The following ZNF839 variants were observed in gnomAD, a reference collection of about 807,000 sequenced individuals.
The protein encoded by ZNF839 is zinc finger protein 839.
A neutral mutation model predicts 56.4 loss-of-function variants in ZNF839; 38 were observed. The observed-to-expected ratio is 0.67, with a 90% CI of 0.52 to 0.88. The LOEUF is 0.88. ZNF839 is among the 40% of genes least tolerant of loss of function. The probability of loss-of-function intolerance (pLI) is 0.00; values close to 1 mark genes in which losing one functional copy is unlikely to be tolerated. For missense variants in ZNF839, 1,091 were observed against 1,177.6 expected, an observed-to-expected ratio of 0.93 and a Z score of 1.08; for synonymous variants, 486 against 493.5, an observed-to-expected ratio of 0.98 and a Z score of 0.20.
At position 102,334,596 on chromosome 14, in the gene ZNF839, C is replaced by G; in HGVS notation, c.1459C>G (p.Leu487Val). 2.5e-6 allele frequency: 4 copies of G among 1,612,704 alleles called. No homozygotes were observed. Among genetic ancestry groups the G allele is most frequent in the Non-Finnish European group, 2.5e-6 (3 of 1,179,420 alleles). Reference sequence around the variant, plus strand: ...CCGGGAGGATCTGGTGGAATTGGCTCTGCCTCAGCTGGCTCAGGTTGTGAC... The same window carrying G: ...CCGGGAGGATCTGGTGGAATTGGCTGTGCCTCAGCTGGCTCAGGTTGTGAC... Reference protein sequence around the residue: ...CDREDLVELALPQLAQVVTVY... With the variant: ...CDREDLVELAVPQLAQVVTVY... Residue 487 changes from leucine (L) to valine (V), a missense_variant, in exon 4 of 8, where the codon CTG becomes GTG. Leu to Val is a conservative substitution (Grantham distance 32, BLOSUM62 1). Around this residue, in one of 3 missense-constraint regions of ZNF839, gnomAD observed 614 missense variants for 629.2 expected, o/e 0.98. Coordinates refer to ENST00000442396, the MANE Select transcript of ZNF839 (RefSeq NM_018335.6).
In ZNF839 at chr14:102,341,394, G is replaced by A. The variant is rs1401962393; in HGVS notation, c.1999G>A (p.Gly667Ser). 6.4e-7 allele frequency: 1 copy of A among 1,558,334 alleles called. No homozygotes were observed. Among genetic ancestry groups the A allele is most frequent in the African/African-American group, 1.4e-5 (1 of 72,680 alleles). Residue 667 changes from glycine to serine, a missense_variant, in exon 8 of 8, where the codon GGC becomes AGC. Around this residue, in one of 3 missense-constraint regions of ZNF839, gnomAD observed 431 missense variants for 468.0 expected, o/e 0.92. Coordinates refer to ENST00000442396, the MANE Select transcript of ZNF839 (RefSeq NM_018335.6). The part of the protein sequence containing the change: ...EESHTTTVSG[G>S]NGSVFQAGPQ... Reference sequence around the variant, plus strand: ...AAGCCATACAACGACGGTTTCTGGTGGCAATGGGAGCGTGTTCCAGGCGGG... The same window carrying A: ...AAGCCATACAACGACGGTTTCTGGTAGCAATGGGAGCGTGTTCCAGGCGGG...
chr14:102,328,973 C>CT (rs201814671), intron 2 of ZNF839, among the ~76,000 whole-genome samples: 14,364 of 142,158 alleles, frequency 0.1, 1,003 homozygotes, highest in East Asian at 0.29. Flanking sequence ...CTGCTTTCTT[C>CT]TTTTTTTTTT....
At chr14:102,321,688 G>T (rs1163317471) in intron 1 of ZNF839, among the ~76,000 whole-genome samples, 1 of 152,126 alleles carries the variant, frequency 6.6e-6, no homozygotes, top group African/African-American at 2.4e-5. Flanking sequence ...TTCTAGTCAA[G>T]GCCAGAAAGC....
At chr14:102,320,848 G>T (rs1204380723) in intron 1 of ZNF839, among the ~76,000 whole-genome samples, 2 of 152,174 alleles carry the variant, frequency 1.3e-5, no homozygotes, top group African/African-American at 4.8e-5. Flanking sequence ...GAAGCATAGC[G>T]CCTGAAGCCA....
At chr14:102,336,749 T>G in intron 5 of ZNF839, 1 of 339,750 alleles carries the variant, frequency 2.9e-6, no homozygotes, top group Non-Finnish European at 5.7e-6. Flanking sequence ...TTTTTTTTGT[T>G]TTGAAACAGG....
At chr14:102,330,547 T>G (rs1865112177) in intron 2 of ZNF839, among the ~76,000 whole-genome samples, 1 of 151,160 alleles carries the variant, frequency 6.6e-6, no homozygotes, top group South Asian at 2.1e-4. Flanking sequence ...TTTTTTTTTT[T>G]TTTTGGCGAT....
Position 102,319,778 on chromosome 14 carries a change from G to A in ZNF839, c.13G>A (p.Glu5Lys), listed in dbSNP as rs1470317506. 166 of 1,231,552 alleles carry A rather than the reference G, an allele frequency of 1.3e-4. No homozygotes were observed. Among genetic ancestry groups the A allele is most frequent in the Non-Finnish European group, 1.6e-4 (156 of 987,720 alleles). 76.3% of individuals were successfully genotyped at this position (1,231,552 alleles called of 1,614,324 possible). A position where few individuals can be genotyped will look rare whatever the true frequency, so the allele number is the denominator to read the frequency against. ...CGCCTCGGCCGCCATGGCGGATGCG[G>A]AGCCGGAGGCTGGGGGCGGCAGCGA... MADA[E>K]PEAGGGSEDG... Residue 5 changes from glutamate (E) to lysine (K), a missense_variant, in exon 1 of 8, where the codon GAG (glutamate) becomes AAG (lysine). Physicochemically the swap from Glu to Lys is moderately conservative, Grantham distance 56. This residue lies in a region of ZNF839 where 614 missense variants were observed against 629.2 expected (regional missense o/e 0.98). Transcript: ENST00000442396. The surrounding 1 kb of genome is among the most constrained non-coding windows in gnomAD (Gnocchi z 4.5).
At chr14:102,321,083 AG>A (rs1278655412) in intron 1 of ZNF839, among the ~76,000 whole-genome samples, 1 of 152,218 alleles carries the variant, frequency 6.6e-6, no homozygotes, top group Non-Finnish European at 1.5e-5. Context: ...TGTCTTGCTA[AG>A]GTTTAGGAAG....
chr14:102,323,236 C>A (rs964281834), intron 1 of ZNF839, among the ~76,000 whole-genome samples: 2 of 152,220 alleles, frequency 1.3e-5, no homozygotes, highest in African/African-American at 4.8e-5. Flanking sequence ...GACTCGGGAT[C>A]ACTACTGGCA....
At position 102,326,796 on chromosome 14, in the gene ZNF839, T is replaced by C. The variant is rs1362089434; in HGVS notation, c.1100T>C (p.Leu367Pro). The change falls in exon 2 of 8, where the codon CTG becomes CCG. Residue 367 changes from leucine (L) to proline (P), a missense_variant. By Grantham distance (98) the Leu-to-Pro change is moderately conservative. Coordinates refer to ENST00000442396, the MANE Select transcript of ZNF839 (RefSeq NM_018335.6). This position sits in a 1 kb window ranked among gnomAD's most constrained non-coding sequence, Gnocchi z 4.3. ...TGCACGGAGGAAAGGACGCTCAGCC[T>C]GACCTCCCTGGGGCTGTCCATGCCA... ...RGCTEERTLS[L>P]TSLGLSMPAD... is the part of the protein sequence containing the mutation. 2 of 1,612,028 alleles carry C rather than the reference T, an allele frequency of 1.2e-6. No individual in the cohort carries two copies. Among genetic ancestry groups the C allele is most frequent in the East Asian group, 2.2e-5 (1 of 44,790 alleles).
Position 102,342,247 on chromosome 14 carries a change from A to G in ZNF839, c.*68A>G. 6.6e-7 allele frequency: 1 copy of G among 1,524,718 alleles called. No individual in the cohort carries two copies. Among genetic ancestry groups the G allele is most frequent in the Non-Finnish European group, 8.8e-7 (1 of 1,136,608 alleles). The allele number at this position is 1,524,718 out of a possible 1,614,324, so 94.4% of individuals were successfully genotyped here. A position where few individuals can be genotyped will look rare whatever the true frequency, so the allele number is the denominator to read the frequency against. ...AGCCAGAGCCCTCACAGTGAAGTGG[A>G]GTCAGATCCTAGATTCGTCTGATTT... On this transcript the variant is annotated 3_prime_UTR_variant, in exon 8 of 8. Coordinates refer to ENST00000442396, the MANE Select transcript of ZNF839 (RefSeq NM_018335.6).
rs534266053 is a variant in ZNF839 at position 102,323,634 on chromosome 14, T to TA, written c.289-2350dup. Among the ~76,000 whole-genome samples, 254 of 152,332 alleles carry TA rather than the reference T, an allele frequency of 1.7e-3. 1 individual carries two copies. The highest frequency in any genetic ancestry group is 5.9e-3 in the African/African-American group (244 of 41,574). On this transcript the variant is annotated intron_variant, in intron 1 of 7. Coordinates refer to ENST00000442396, the MANE Select transcript of ZNF839 (RefSeq NM_018335.6). ...TTTGTGGCCACCTGCGTGTTTTTTT[T>TA]ATAGAATCCAGGAAATGGAATTACT...
intron 1 of ZNF839, among the ~76,000 whole-genome samples, chr14:102,322,141 C>T (rs2073161980): frequency 6.6e-6 from 1 of 152,312 alleles, no homozygotes; most frequent in East Asian, 1.9e-4. Flanking sequence ...TCTGGGCAGC[C>T]CACCACCTCT....
upstream of ZNF839, chr14:102,319,646 C>A (rs2073008509): frequency 2.5e-6 from 3 of 1,198,944 alleles, no homozygotes; most frequent in Non-Finnish European, 3.1e-6. The surrounding 1 kb of genome is among the most constrained non-coding windows in gnomAD (Gnocchi z 4.5). Flanking sequence ...CGGCCAGACA[C>A]GGTCGCCTTC....
intron 4 of ZNF839, chr14:102,334,899 T>G: frequency 5.6e-6 from 1 of 180,100 alleles, no homozygotes; most frequent in Admixed American, 6.1e-5. Flanking sequence ...TGCACCATCA[T>G]ACCCGGCTAA....
rs778204189 is a variant in ZNF839 at position 102,326,737 on chromosome 14, G to C, written c.1041G>C (p.Leu347=). 1 of 1,613,240 alleles carries C rather than the reference G, an allele frequency of 6.2e-7. No homozygotes were observed. The highest frequency in any genetic ancestry group is 1.3e-5 in the African/African-American group (1 of 74,920). ...GHGQLDPEMV[L]SEKASGSTLR... ...GCCAGTTGGACCCCGAGATGGTGCT[G>C]TCTGAGAAAGCCAGTGGAAGCACCC... The change falls in exon 2 of 8, where the codon CTG becomes CTC. Residue 347 remains leucine (L), a synonymous_variant. Coordinates refer to ENST00000442396, the MANE Select transcript of ZNF839 (RefSeq NM_018335.6). The surrounding 1 kb of genome is among the most constrained non-coding windows in gnomAD (Gnocchi z 4.3).
intron 1 of ZNF839, among the ~76,000 whole-genome samples, chr14:102,321,298 G>A (rs1013588928): frequency 6.6e-6 from 1 of 152,252 alleles, no homozygotes; most frequent in Admixed American, 6.5e-5. Flanking sequence ...CATTTTGCAG[G>A]TGGGAAACAA....
rs570265089 is a variant in ZNF839, at chr14:102,334,398, G to A, written c.1417-156G>A. Among the ~76,000 whole-genome samples, 5 of 152,332 alleles carry A rather than the reference G, an allele frequency of 3.3e-5. No homozygotes were observed. In the South Asian group the frequency reaches 8.3e-4, roughly 25 times the overall value. On this transcript the variant is annotated intron_variant, in intron 3 of 7. Transcript: ENST00000442396. ...ATAGTACTTCATTAAGGAGCAAACA[G>A]GTGAAATAGTTAATAAAGCAGAATG...
chr14:102,332,261 G>A lies in ZNF839; in HGVS notation c.1416+415G>A, dbSNP rs1170774503. ...CGATTCTCCTTCCTTAGCCTCCTGGGTAGCTTGGATTACAAGCGCCTGCCA... is the reference window on the plus strand; with the variant it reads ...CGATTCTCCTTCCTTAGCCTCCTGGATAGCTTGGATTACAAGCGCCTGCCA... On this transcript the variant is annotated intron_variant, in intron 3 of 7. Transcript: ENST00000442396. This position sits in a 1 kb window ranked among gnomAD's most constrained non-coding sequence, Gnocchi z 4.9. Among the ~76,000 whole-genome samples the A allele has an allele frequency of 6.6e-6, 1 of 151,936 alleles. No homozygotes were observed. The highest frequency in any genetic ancestry group is 1.5e-5 in the Non-Finnish European group (1 of 67,998).
Sources: gnomAD v4.1 joint callset for allele counts (sites outside exome capture counted in the v4.1 genomes callset) on GRCh38, gnomAD v4.1.1 for gene constraint, gnomAD v4.1.1 regional missense constraint, Gnocchi (gnomAD v3.1) non-coding constraint, MANE v1.5 for transcripts, NCBI Gene and HGNC (gene_info 2026-07-23, HGNC 2026-07-21) for gene names.